The following FBXW8 variants were observed in gnomAD, a reference collection of about 807,000 sequenced individuals.
FBXW8 encodes F-box and WD repeat domain containing 8.
FBXW8 carries 57 observed loss-of-function variants against 65.3 expected under a neutral mutation model. That is an observed-to-expected ratio of 0.87 (90% CI 0.71 to 1.09). The LOEUF (loss-of-function observed/expected upper bound fraction) is 1.09. Among genes scored for constraint, FBXW8 ranks in the 50% least tolerant of loss-of-function variants. The pLI, the probability that FBXW8 is intolerant of heterozygous loss-of-function variation, is 0.00. For missense variants in FBXW8, 777 were observed against 814.8 expected, an observed-to-expected ratio of 0.95 and a Z score of 0.57; for synonymous variants, 308 against 330.2, an observed-to-expected ratio of 0.93 and a Z score of 0.73.
At chr12:116,977,303 A>ATCCTG (rs1885009061) in intron 5 of FBXW8, 1 of 152,176 alleles carries the variant, frequency 6.6e-6, no homozygotes, top group Non-Finnish European at 1.5e-5. Context: ...GGGATTTCTA[A>ATCCTG]AGGCTGCAAA....
At chr12:116,972,925 G>A (rs1884724015) in intron 5 of FBXW8, among the ~76,000 whole-genome samples, 2 of 152,132 alleles carry the variant, frequency 1.3e-5, no homozygotes, top group Non-Finnish European at 2.9e-5. Flanking sequence ...AGGGATGCTT[G>A]GAGAAATGGT....
intron 4 of FBXW8, 83 bp from the exon 5 acceptor site, chr12:116,964,614 T>G: frequency 3.9e-6 from 6 of 1,528,874 alleles, no homozygotes; most frequent in Non-Finnish European, 5.4e-6. Flanking sequence ...ACTTGTCTGT[T>G]GTTGTAAGGC....
At chr12:116,981,491 A>G (rs1885299209) in intron 5 of FBXW8, among the ~76,000 whole-genome samples, 2 of 152,250 alleles carry the variant, frequency 1.3e-5, no homozygotes, top group African/African-American at 2.4e-5. Flanking sequence ...AGTAATAACA[A>G]TGTATTTAAG....
chr12:116,921,802 A>ACAT (rs1880923517), intron 1 of FBXW8, among the ~76,000 whole-genome samples: 1 of 150,088 alleles, frequency 6.7e-6, no homozygotes, highest in African/African-American at 2.4e-5. Flanking sequence ...ACCATTGTTA[A>ACAT]CATTTTGGTG....
At position 117,028,265 on chromosome 12, in the gene FBXW8, T is replaced by G; in HGVS notation, c.*93T>G. 8.7e-6 allele frequency: 13 copies of G among 1,492,196 alleles called. No homozygotes were observed. The highest frequency in any genetic ancestry group is 2.3e-5 in the East Asian group (1 of 43,120). 92.4% of individuals were successfully genotyped at this position (1,492,196 alleles called of 1,614,324 possible). Reference sequence around the variant, plus strand: ...GGCACCTCTTCACAGGTGGTAAACATTTAGGGGAAGAAAGCAGCCCAGGGT... The same window carrying G: ...GGCACCTCTTCACAGGTGGTAAACAGTTAGGGGAAGAAAGCAGCCCAGGGT... On this transcript the variant is annotated 3_prime_UTR_variant, in exon 11 of 11. Coordinates refer to ENST00000652555, the MANE Select transcript of FBXW8 (RefSeq NM_153348.3). This position sits in a 1 kb window ranked among gnomAD's most constrained non-coding sequence, Gnocchi z 4.1.
intron 1 of FBXW8, among the ~76,000 whole-genome samples, chr12:116,911,699 A>G (rs1408942583): frequency 6.6e-6 from 1 of 152,144 alleles, no homozygotes; most frequent in African/African-American, 2.4e-5. Flanking sequence ...AAAATTATCC[A>G]GGACAAAATA....
intron 1 of FBXW8, among the ~76,000 whole-genome samples, chr12:116,923,276 A>ATT (rs200829979): frequency 6.7e-6 from 1 of 148,996 alleles, no homozygotes; most frequent in African/African-American, 2.5e-5. Context: ...GGCCCTTGGC[A>ATT]TTTTTTTTTT....
chr12:116,972,933 G>A (rs929442247), intron 5 of FBXW8, among the ~76,000 whole-genome samples: 8 of 152,134 alleles, frequency 5.3e-5, no homozygotes, highest in African/African-American at 1.9e-4. Context: ...TTGGAGAAAT[G>A]GTGGACTCCA....
At chr12:116,978,427 T>C (rs1885096688) in intron 5 of FBXW8, 1 of 152,254 alleles carries the variant, frequency 6.6e-6, no homozygotes, top group Admixed American at 6.5e-5. Context: ...TTTGTCAAAA[T>C]GCCTTTTCCT....
intron 7 of FBXW8, among the ~76,000 whole-genome samples, chr12:116,990,289 A>G (rs1953206364): frequency 6.6e-6 from 1 of 152,256 alleles, no homozygotes; most frequent in South Asian, 2.1e-4. Flanking sequence ...TTGTGCTGCA[A>G]ATTTGGTGTG....
chr12:117,005,111 A>C lies in FBXW8; in HGVS notation c.1240-5212A>C, dbSNP rs931579295. On this transcript the variant is annotated intron_variant, in intron 7 of 10. Transcript: ENST00000652555. Reference sequence around the variant, plus strand: ...GGCACTCTGGCATCTGAATAGTATGAAGAGATCTCTGTGGAACCATCTTCT... The same window carrying C: ...GGCACTCTGGCATCTGAATAGTATGCAGAGATCTCTGTGGAACCATCTTCT... Among the ~76,000 whole-genome samples, 9 of 152,286 alleles carry C rather than the reference A, an allele frequency of 5.9e-5. 1 individual carries two copies. Among genetic ancestry groups the C allele is most frequent in the Admixed American group, 6.5e-5 (1 of 15,292 alleles).
At chr12:116,950,368 C>G (rs1459746345) in intron 4 of FBXW8, 1 of 152,314 alleles carries the variant, frequency 6.6e-6, no homozygotes, top group African/African-American at 2.4e-5. Context: ...ACTACAGCCT[C>G]AGACTGTATA....
At chr12:116,972,043 C>G (rs988112744) in intron 5 of FBXW8, among the ~76,000 whole-genome samples, 2 of 152,148 alleles carry the variant, frequency 1.3e-5, no homozygotes, top group Admixed American at 1.3e-4. Flanking sequence ...AATATTTTTT[C>G]TCCTGTAGAA....
chr12:116,989,781 C>CT (rs985695486), intron 7 of FBXW8, among the ~76,000 whole-genome samples: 2 of 152,222 alleles, frequency 1.3e-5, no homozygotes, highest in African/African-American at 4.8e-5. Context: ...TGCGAAGGAA[C>CT]GTGTCTGGGC....
intron 7 of FBXW8, among the ~76,000 whole-genome samples, chr12:116,989,815 G>A (rs1953190818): frequency 6.6e-6 from 1 of 152,216 alleles, no homozygotes; most frequent in Non-Finnish European, 1.5e-5. Context: ...GTGACTGTTA[G>A]TAGTTTCCTT....
At chr12:116,994,719 T>C (rs1367543772) in intron 7 of FBXW8, among the ~76,000 whole-genome samples, 1 of 152,234 alleles carries the variant, frequency 6.6e-6, no homozygotes, top group African/African-American at 2.4e-5. Flanking sequence ...CATGTTTTGG[T>C]TTTGATTTTT....
intron 5 of FBXW8, among the ~76,000 whole-genome samples, chr12:116,974,727 A>T (rs1221191069): frequency 6.6e-6 from 1 of 152,322 alleles, no homozygotes; most frequent in Admixed American, 6.5e-5. Context: ...CCTGGGTGAC[A>T]GAGTGACACC....
chr12:117,010,427 G>T lies in FBXW8; in HGVS notation c.1344G>T (p.Met448Ile). 2 of 1,614,136 alleles carry T rather than the reference G, an allele frequency of 1.2e-6. No homozygotes were observed. Among genetic ancestry groups the T allele is most frequent in the Non-Finnish European group, 1.7e-6 (2 of 1,180,038 alleles). Residue 448 changes from methionine (M) to isoleucine (I), a missense_variant, in exon 8 of 11, where the codon ATG becomes ATT. Transcript: ENST00000652555. The part of the protein sequence containing the change: ...VNLSDSPPNL[M>I]VSGNMDGRVR... Reference sequence around the variant, plus strand: ...TCAGCGACAGCCCTCCCAACCTCATGGTCAGTGGCAACATGGACGGGAGGT... The same window carrying T: ...TCAGCGACAGCCCTCCCAACCTCATTGTCAGTGGCAACATGGACGGGAGGT...
At chr12:116,998,637 C>T (rs144540882) in intron 7 of FBXW8, among the ~76,000 whole-genome samples, 2 of 152,274 alleles carry the variant, frequency 1.3e-5, no homozygotes, top group African/African-American at 4.8e-5. Flanking sequence ...TAAACACTGC[C>T]CAGGCATTGT....
Sources: allele counts gnomAD v4.1 joint callset (sites outside exome capture counted in the v4.1 genomes callset), GRCh38; gene constraint gnomAD v4.1.1; non-coding constraint Gnocchi (gnomAD v3.1); transcripts MANE v1.5; gene names NCBI Gene and HGNC (gene_info 2026-07-23, HGNC 2026-07-21).